RBFOX2: variants seen among roughly 807,000 people sequenced by gnomAD.
The protein encoded by RBFOX2 is RNA binding fox-1 homolog 2.
In RBFOX2, 10 loss-of-function variants were observed where a neutral mutation model predicts 49.1. That is an observed-to-expected ratio of 0.20 (90% CI 0.13 to 0.35). The LOEUF (loss-of-function observed/expected upper bound fraction) is 0.35. Among genes scored for constraint, RBFOX2 ranks in the 10% least tolerant of loss-of-function variants. The pLI, the probability that RBFOX2 is intolerant of heterozygous loss-of-function variation, is 1.00. For missense variants in RBFOX2, 323 were observed against 486.9 expected (o/e 0.66, Z 3.17); for synonymous variants, 183 against 187.4 (o/e 0.98, Z 0.19).
At chr22:35,744,427 G>T (rs74779819) in intron 11 of RBFOX2, among the ~76,000 whole-genome samples, 178 bp from the exon 14 acceptor site, 2,984 of 152,270 alleles carry the variant, frequency 0.02, 47 homozygotes, top group Non-Finnish European at 0.028. Context: ...AAGGTGCTCA[G>T]ACCAGAGCCC....
intron 3 of RBFOX2, among the ~76,000 whole-genome samples, chr22:35,779,551 T>G (rs1341690647): frequency 1.3e-5 from 2 of 152,238 alleles, no homozygotes; most frequent in East Asian, 1.9e-4. Flanking sequence ...GCATTTATGC[T>G]TATCCTATAA....
intron 1 of RBFOX2, among the ~76,000 whole-genome samples, chr22:36,025,299 G>A (rs895127998): frequency 8.6e-5 from 13 of 152,024 alleles, no homozygotes; most frequent in African/African-American, 2.7e-4. Context: ...CCCTCTTTCC[G>A]AAAGCATCTG....
chr22:35,790,163 CAT>C (rs1349308970), intron 2 of RBFOX2, among the ~76,000 whole-genome samples: 5 of 152,196 alleles, frequency 3.3e-5, no homozygotes, highest in African/African-American at 9.7e-5. Context: ...ACTGTGTGTA[CAT>C]GTTTTAATCA....
intron 1 of RBFOX2, among the ~76,000 whole-genome samples, chr22:35,811,291 T>C (rs1294079941): frequency 6.6e-6 from 1 of 152,180 alleles, no homozygotes; most frequent in African/African-American, 2.4e-5. Context: ...TAACCCTCAG[T>C]ACCTCAAAAT....
At chr22:35,812,774 A>G (rs1276256455) in intron 1 of RBFOX2, among the ~76,000 whole-genome samples, 3 of 152,208 alleles carry the variant, frequency 2.0e-5, no homozygotes, top group Non-Finnish European at 4.4e-5. Flanking sequence ...CTGCTCTGAC[A>G]CTGCTCCTTT....
chr22:35,770,139 T>C (rs1382093421), intron 4 of RBFOX2, among the ~76,000 whole-genome samples: 1 of 151,820 alleles, frequency 6.6e-6, no homozygotes, highest in Non-Finnish European at 1.5e-5. Flanking sequence ...AGTTATACCA[T>C]TTGTCATCTA....
rs952623900 is a variant in RBFOX2 at position 35,875,813 on chromosome 22, C to T, written c.-34+63034G>A. 5.3e-5 allele frequency among the ~76,000 whole-genome samples: 8 copies of T among 152,002 alleles called. No homozygotes were observed. The East Asian group carries it at 1.5e-3, about 29-fold the overall frequency. ...TTTAGCCATCACATATTAAACTTTA[C>T]ATTTTATTGGGAAAACAAAGAAAAC... On this transcript the variant is annotated intron_variant, in intron 1 of 13. Coordinates refer to the RBFOX2 transcript ENST00000359369.
intron 1 of RBFOX2, among the ~76,000 whole-genome samples, chr22:35,956,289 G>C (rs1448508969): frequency 6.6e-6 from 1 of 152,046 alleles, no homozygotes; most frequent in Non-Finnish European, 1.5e-5. Flanking sequence ...CAAAACTCTA[G>C]TTTTTGCTTG....
chr22:35,875,698 ACC>A (rs1378703075), intron 1 of RBFOX2, among the ~76,000 whole-genome samples: 3 of 148,506 alleles, frequency 2.0e-5, no homozygotes, highest in Non-Finnish European at 4.4e-5. Context: ...TATACAGACT[ACC>A]CAGACTACCA....
At chr22:35,976,545 A>G (rs1223792540) in intron 1 of RBFOX2, among the ~76,000 whole-genome samples, 2 of 152,256 alleles carry the variant, frequency 1.3e-5, no homozygotes, top group African/African-American at 4.8e-5. Context: ...ACATTTTTAT[A>G]TATGAAACAA....
chr22:35,773,920 G>C (rs1405618715), intron 4 of RBFOX2, among the ~76,000 whole-genome samples: 3 of 152,086 alleles, frequency 2.0e-5, no homozygotes, highest in African/African-American at 7.2e-5. Flanking sequence ...TTCTAGCAGA[G>C]AATGCAAGGT....
chr22:35,988,237 T>C (rs184716257), intron 1 of RBFOX2, among the ~76,000 whole-genome samples: 166 of 152,274 alleles, frequency 1.1e-3, no homozygotes, highest in African/African-American at 4.0e-3. Context: ...TCCATACAGA[T>C]AAGGTTCTTT....
At chr22:35,900,643 C>T (rs911531374) in intron 1 of RBFOX2, among the ~76,000 whole-genome samples, 3 of 151,746 alleles carry the variant, frequency 2.0e-5, no homozygotes, top group African/African-American at 7.3e-5. Context: ...CCCTCACTTC[C>T]TCTCAGCTTA....
intron 4 of RBFOX2, among the ~76,000 whole-genome samples, chr22:35,774,031 G>A (rs1287817032): frequency 6.6e-6 from 1 of 152,024 alleles, no homozygotes; most frequent in East Asian, 1.9e-4. Context: ...TATCACTAGT[G>A]CACATTTCTC....
chr22:35,756,448 T>C (rs1469545786), intron 9 of RBFOX2, among the ~76,000 whole-genome samples: 3 of 152,300 alleles, frequency 2.0e-5, no homozygotes, highest in Non-Finnish European at 4.4e-5. Context: ...CTATTATATC[T>C]ATCCAAAATC....
At chr22:35,951,980 G>A (rs752886556) in intron 1 of RBFOX2, among the ~76,000 whole-genome samples, 1 of 152,182 alleles carries the variant, frequency 6.6e-6, no homozygotes, top group Admixed American at 6.5e-5. Flanking sequence ...TTTCACAAGG[G>A]TTCTATCCCC....
Position 35,749,238 on chromosome 22 carries a change from T to G in RBFOX2, c.888-2677A>C, listed in dbSNP as rs1191386442. On this transcript the variant is annotated intron_variant, in intron 9 of 11. Coordinates refer to ENST00000405409, the Ensembl canonical transcript of RBFOX2. This position sits in a 1 kb window ranked among gnomAD's most constrained non-coding sequence, Gnocchi z 4.1. ...TCAAGTGGAAGAAAACAGAACAGGG[T>G]TGGCAAATACTTTACTGAAAACAAA... is the stretch of plus-strand genomic sequence containing the variant. Among the ~76,000 whole-genome samples, 1 of 152,142 alleles carries G rather than the reference T, an allele frequency of 6.6e-6. No individual in the cohort carries two copies. The highest frequency in any genetic ancestry group is 1.5e-5 in the Non-Finnish European group (1 of 68,010).
At chr22:35,853,658 C>CT (rs1417395922) in intron 1 of RBFOX2, among the ~76,000 whole-genome samples, 2 of 141,054 alleles carry the variant, frequency 1.4e-5, no homozygotes, top group Admixed American at 1.4e-4. Context: ...TATATACACA[C>CT]GTGTGTGTGT....
Position 35,809,711 on chromosome 22 carries a change from A to G in RBFOX2, c.252+69T>C, listed in dbSNP as rs994565536. 5 of 1,507,200 alleles carry G rather than the reference A, an allele frequency of 3.3e-6. No individual in the cohort carries two copies. The African/African-American group carries it at 5.5e-5, about 17-fold the overall frequency. The allele number at this position is 1,507,200 out of a possible 1,614,324, so 93.4% of individuals were successfully genotyped here. On this transcript the variant is annotated intron_variant, in intron 2 of 11. Transcript: ENST00000405409. ...TTAATTCCGAGAGTCTTCTAATTGT[A>G]TAATTAAGGCGACAATTTCTATATG...
Sources: allele counts gnomAD v4.1 joint callset (sites outside exome capture counted in the v4.1 genomes callset), GRCh38; gene constraint gnomAD v4.1.1; non-coding constraint Gnocchi (gnomAD v3.1); transcripts MANE v1.5; gene names NCBI Gene and HGNC (gene_info 2026-07-23, HGNC 2026-07-21).